The following KALRN variants were observed in gnomAD, a reference collection of about 807,000 sequenced individuals.
KALRN encodes the protein kalirin.
KALRN carries 70 observed loss-of-function variants against 353.7 expected under a neutral mutation model. The ratio of observed to expected loss-of-function variants is 0.20; its 90% CI spans 0.16 to 0.24. KALRN has a LOEUF of 0.24. Among genes scored for constraint, KALRN ranks in the 10% least tolerant of loss-of-function variants. KALRN has a pLI of 1.00. For missense variants in KALRN, 2,791 were observed against 3,756.7 expected (o/e 0.74, Z 6.72); for synonymous variants, 1,391 against 1,434.8 (o/e 0.97, Z 0.69).
chr3:124,326,246 GCA>G, intron 7 of KALRN, 75 bp downstream of exon 7: 2 of 1,255,896 alleles, frequency 1.6e-6, no homozygotes, highest in Non-Finnish European at 1.1e-6. Context: ...CTGGATGGGA[GCA>G]CACACACTCT....
chr3:124,580,384 G>T (rs56193059), intron 34 of KALRN, among the ~76,000 whole-genome samples: 35,629 of 148,442 alleles, frequency 0.24, 4,409 homozygotes, highest in East Asian at 0.32. Flanking sequence ...GGGGAGGGGG[G>T]ACTCAGGCAG....
intron 1 of KALRN, chr3:124,163,494 GA>G: frequency 1.7e-6 from 1 of 587,772 alleles, no homozygotes; most frequent in Non-Finnish European, 2.1e-6. Flanking sequence ...GCAGTTTGAA[GA>G]AAAAATGTCC....
chr3:124,445,156 A>G (rs1289400850), intron 19 of KALRN, among the ~76,000 whole-genome samples: 1 of 152,192 alleles, frequency 6.6e-6, no homozygotes, highest in African/African-American at 2.4e-5. Flanking sequence ...ACGCTTTCTC[A>G]AAAGCTTTCT....
intron 1 of KALRN, among the ~76,000 whole-genome samples, chr3:124,149,955 T>C (rs1004039001): frequency 3.9e-5 from 6 of 152,234 alleles, no homozygotes; most frequent in African/African-American, 1.2e-4. Flanking sequence ...CTGTGTTTCT[T>C]GGCTTGGCTT....
chr3:124,514,618 A>G (rs939469208), intron 33 of KALRN, among the ~76,000 whole-genome samples: 1 of 152,174 alleles, frequency 6.6e-6, no homozygotes, highest in Non-Finnish European at 1.5e-5. Context: ...ACGTCACTCC[A>G]AGAGGTTGAA....
At chr3:124,092,728 A>ATCTG (rs1327151438) in intron 1 of KALRN, among the ~76,000 whole-genome samples, 2 of 152,188 alleles carry the variant, frequency 1.3e-5, no homozygotes, top group Non-Finnish European at 2.9e-5. Flanking sequence ...ATCTGACCTT[A>ATCTG]AACAAGTTAT....
chr3:124,360,245 A>C (rs2083879327), intron 10 of KALRN, among the ~76,000 whole-genome samples: 1 of 152,166 alleles, frequency 6.6e-6, no homozygotes, highest in African/African-American at 2.4e-5. Context: ...AACAGGACAA[A>C]ATTGTGGTTA....
intron 34 of KALRN, among the ~76,000 whole-genome samples, chr3:124,625,515 G>A (rs2079843558): frequency 6.6e-6 from 1 of 151,746 alleles, no homozygotes; most frequent in African/African-American, 2.4e-5. Flanking sequence ...GAGCTCAGGA[G>A]TTCGAAACCA....
intron 28 of KALRN, among the ~76,000 whole-genome samples, chr3:124,486,516 T>C (rs1313383499): frequency 6.6e-6 from 1 of 152,168 alleles, no homozygotes; most frequent in Non-Finnish European, 1.5e-5. Flanking sequence ...ACATGTGCTC[T>C]AGGGGGTGCA....
chr3:124,235,712 T>A lies in KALRN; in HGVS notation c.263+769T>A, dbSNP rs185107291. On this transcript the variant is annotated intron_variant, in intron 3 of 59. Coordinates refer to ENST00000682506, the MANE Select transcript of KALRN (RefSeq NM_001388419.1). ...GTCCAGCCCCGGTGCTCTCTCACCA[T>A]CTTTGTTCTTGAGCAGCGACGGCAC... 1.5e-4 allele frequency among the ~76,000 whole-genome samples: 23 copies of A among 152,336 alleles called. No homozygotes were observed. In the East Asian group the frequency reaches 3.9e-3, roughly 26 times the overall value.
chr3:124,272,194 A>AAAATAAAATAAGG (rs2074241908), intron 5 of KALRN, among the ~76,000 whole-genome samples: 1 of 152,256 alleles, frequency 6.6e-6, no homozygotes, highest in Admixed American at 6.5e-5. Flanking sequence ...TTACGTTTTA[A>AAAATAAAATAAGG]AAATAGCAGC....
At chr3:124,199,823 G>A (rs369011954) in intron 1 of KALRN, among the ~76,000 whole-genome samples, 8 of 152,166 alleles carry the variant, frequency 5.3e-5, no homozygotes, top group Non-Finnish European at 8.8e-5. Context: ...GGTGGGTGGA[G>A]TGAGGCAAGA....
intron 1 of KALRN, among the ~76,000 whole-genome samples, chr3:124,177,436 A>G (rs1261544567): frequency 1.3e-5 from 2 of 152,124 alleles, no homozygotes; most frequent in African/African-American, 4.8e-5. Context: ...TAGAACAGTG[A>G]CTTAGCCTGG....
At chr3:124,292,565 C>T (rs2076513452) in intron 5 of KALRN, among the ~76,000 whole-genome samples, 1 of 151,966 alleles carries the variant, frequency 6.6e-6, no homozygotes, top group South Asian at 2.1e-4. Context: ...GTGTCTGGGT[C>T]TCTGAGTGCG....
intron 15 of KALRN, among the ~76,000 whole-genome samples, chr3:124,430,082 C>T (rs1183079725): frequency 6.6e-6 from 1 of 151,924 alleles, no homozygotes; most frequent in African/African-American, 2.4e-5. Context: ...TAATATATTG[C>T]CCCAGATTTC....
intron 34 of KALRN, among the ~76,000 whole-genome samples, chr3:124,603,275 G>C (rs1015493936): frequency 1.3e-5 from 2 of 152,108 alleles, no homozygotes; most frequent in African/African-American, 4.8e-5. Flanking sequence ...TTGACTCTCC[G>C]GAGGAGGCTG....
At chr3:124,518,505 G>A (rs755173254) in intron 33 of KALRN, 32 of 1,613,388 alleles carry the variant, frequency 2.0e-5, no homozygotes, top group East Asian at 1.3e-4. Context: ...CGGGTTAGCC[G>A]TGGCACCGTT....
At chr3:124,611,169 G>A (rs1196480783) in intron 34 of KALRN, among the ~76,000 whole-genome samples, 1 of 152,198 alleles carries the variant, frequency 6.6e-6, no homozygotes. Flanking sequence ...TGATAAGGCA[G>A]CCTTTTAGTA....
intron 3 of KALRN, among the ~76,000 whole-genome samples, chr3:124,245,383 A>G (rs1002114430): frequency 4.6e-5 from 7 of 152,152 alleles, no homozygotes; most frequent in Admixed American, 2.0e-4. Flanking sequence ...TTATCCATTC[A>G]TCTGTTGATG....
Sources: gnomAD v4.1 joint callset for allele counts (sites outside exome capture counted in the v4.1 genomes callset) on GRCh38, gnomAD v4.1.1 for gene constraint, MANE v1.5 for transcripts, NCBI Gene and HGNC (gene_info 2026-07-23, HGNC 2026-07-21) for gene names.